The following ZHX2 variants were observed in gnomAD, a reference collection of about 807,000 sequenced individuals.
ZHX2 encodes zinc fingers and homeoboxes protein 2.
ZHX2 carries 6 observed loss-of-function variants against 21.9 expected under a neutral mutation model. That is an observed-to-expected ratio of 0.27 (90% CI 0.15 to 0.54). The LOEUF (loss-of-function observed/expected upper bound fraction) is 0.54, where lower values mean the gene tolerates loss of function less well. ZHX2 is among the 20% of genes least tolerant of loss of function. ZHX2 has a pLI of 0.95. For missense variants in ZHX2, 908 were observed against 1,090.7 expected (o/e 0.83, Z 2.36); for synonymous variants, 434 against 437.1 (o/e 0.99, Z 0.09).
intron 1 of ZHX2, among the ~76,000 whole-genome samples, chr8:122,805,924 C>T (rs1353091940): frequency 6.6e-6 from 1 of 152,166 alleles, no homozygotes; most frequent in African/African-American, 2.4e-5. Flanking sequence ...TTTGCATATT[C>T]CAGTTCCTCT....
chr8:122,837,964 A>C (rs1038661702), intron 1 of ZHX2, among the ~76,000 whole-genome samples: 14 of 152,184 alleles, frequency 9.2e-5, no homozygotes, highest in Admixed American at 8.5e-4. Context: ...CAGCTCATTC[A>C]GGTAACATGG....
intron 1 of ZHX2, among the ~76,000 whole-genome samples, chr8:122,785,489 T>A (rs1482400495): frequency 6.6e-6 from 1 of 152,198 alleles, no homozygotes; most frequent in East Asian, 1.9e-4. Flanking sequence ...AAAGGATGAA[T>A]GAGTCTCAAA....
chr8:122,934,250 A>G (rs1279464923), intron 2 of ZHX2, among the ~76,000 whole-genome samples: 2 of 152,190 alleles, frequency 1.3e-5, no homozygotes, highest in African/African-American at 2.4e-5. Flanking sequence ...TACAGCTGCA[A>G]TTCAAACCGT....
chr8:122,865,500 C>A (rs1317547615), intron 2 of ZHX2, among the ~76,000 whole-genome samples: 2 of 152,152 alleles, frequency 1.3e-5, no homozygotes, highest in African/African-American at 2.4e-5. Context: ...TAGAACCTGG[C>A]ACGTAGTAGG....
chr8:122,870,244 C>A (rs755085085), intron 2 of ZHX2, among the ~76,000 whole-genome samples: 1 of 152,058 alleles, frequency 6.6e-6, no homozygotes, highest in Non-Finnish European at 1.5e-5. Flanking sequence ...TCTCAGGTGC[C>A]GTGCTCAGGA....
At chr8:122,855,985 G>C (rs1819014505) in intron 1 of ZHX2, among the ~76,000 whole-genome samples, 1 of 152,220 alleles carries the variant, frequency 6.6e-6, no homozygotes, top group Non-Finnish European at 1.5e-5. Context: ...TACCCCATGA[G>C]CAGGGAACAT....
chr8:122,907,419 G>T (rs1053705856), intron 2 of ZHX2, among the ~76,000 whole-genome samples: 1 of 152,328 alleles, frequency 6.6e-6, no homozygotes, highest in Middle Eastern at 3.4e-3. Context: ...ATCCTTTTGA[G>T]TCTCTGATTA....
At chr8:122,965,175 C>A (rs1378743880) in intron 3 of ZHX2, among the ~76,000 whole-genome samples, 1 of 149,616 alleles carries the variant, frequency 6.7e-6, no homozygotes, top group Non-Finnish European at 1.5e-5. Flanking sequence ...TTTGTTATTT[C>A]TTTTCTTCTG....
At chr8:122,857,012 G>A (rs967748823) in intron 1 of ZHX2, among the ~76,000 whole-genome samples, 6 of 151,986 alleles carry the variant, frequency 3.9e-5, no homozygotes, top group Admixed American at 3.9e-4. Context: ...GCCAGTCTCT[G>A]GGGTCCACCG....
At chr8:122,801,602 AT>A (rs1041646114) in intron 1 of ZHX2, among the ~76,000 whole-genome samples, 2 of 142,160 alleles carry the variant, frequency 1.4e-5, no homozygotes, top group African/African-American at 5.2e-5. Context: ...AAAAAAAAAA[AT>A]TGCCAGGCTT....
At chr8:122,805,830 C>T (rs949202228) in intron 1 of ZHX2, among the ~76,000 whole-genome samples, 10 of 152,192 alleles carry the variant, frequency 6.6e-5, no homozygotes, top group South Asian at 2.1e-4. Context: ...TCCCCTGCCT[C>T]GAGTTCTCTG....
At chr8:122,850,947 C>T (rs919785381) in intron 1 of ZHX2, among the ~76,000 whole-genome samples, 8 of 152,170 alleles carry the variant, frequency 5.3e-5, no homozygotes, top group African/African-American at 1.9e-4. Flanking sequence ...GGACCTGGGG[C>T]TCGCCCTGGG....
intron 1 of ZHX2, among the ~76,000 whole-genome samples, chr8:122,823,722 T>C (rs1818203117): frequency 6.6e-6 from 1 of 152,222 alleles, no homozygotes. Flanking sequence ...ATCTAATGCA[T>C]ATTAGATCTC....
At chr8:122,876,771 TTGTAAGACTGAG>T (rs1819584033) in intron 2 of ZHX2, among the ~76,000 whole-genome samples, 1 of 152,188 alleles carries the variant, frequency 6.6e-6, no homozygotes, top group Non-Finnish European at 1.5e-5. Context: ...TCGAGTTGGA[TTGTAAGACTGAG>T]TGTAGAGAGC....
chr8:122,855,494 A>G (rs1405048728), intron 1 of ZHX2, among the ~76,000 whole-genome samples: 2 of 152,066 alleles, frequency 1.3e-5, no homozygotes, highest in Non-Finnish European at 2.9e-5. Flanking sequence ...GGAGAGATGG[A>G]CTTCCAAATC....
intron 2 of ZHX2, among the ~76,000 whole-genome samples, chr8:122,949,654 G>A (rs928822973): frequency 1.3e-5 from 2 of 152,072 alleles, no homozygotes; most frequent in African/African-American, 4.8e-5. Context: ...GACCAGCCTG[G>A]ACAACATGGC....
intron 2 of ZHX2, among the ~76,000 whole-genome samples, chr8:122,884,657 G>C (rs1355438137): frequency 2.0e-5 from 3 of 152,204 alleles, no homozygotes; most frequent in African/African-American, 7.2e-5. Context: ...ATGGAAGCCT[G>C]GTCTTCACCG....
chr8:122,852,617 A>G (rs553122564), intron 1 of ZHX2, among the ~76,000 whole-genome samples: 16 of 152,202 alleles, frequency 1.1e-4, no homozygotes, highest in African/African-American at 3.4e-4. Context: ...ATTTCAGGGA[A>G]TGTACTCTGT....
intron 2 of ZHX2, among the ~76,000 whole-genome samples, chr8:122,908,932 C>G (rs1820411676): frequency 6.6e-6 from 1 of 152,198 alleles, no homozygotes; most frequent in Admixed American, 6.5e-5. Flanking sequence ...CTGGTGGATA[C>G]ATTACCTTTT....
Sources: gnomAD v4.1 joint callset for allele counts (sites outside exome capture counted in the v4.1 genomes callset) on GRCh38, gnomAD v4.1.1 for gene constraint, MANE v1.5 for transcripts, NCBI Gene and HGNC (gene_info 2026-07-23, HGNC 2026-07-21) for gene names.